The following LPIN1 variants were observed in gnomAD, a reference collection of about 807,000 sequenced individuals.
The protein encoded by LPIN1 is phosphatidate phosphatase LPIN1.
Under a neutral mutation model 107.5 loss-of-function variants are expected in LPIN1, and 71 were observed. That is an observed-to-expected ratio of 0.66 (90% CI 0.55 to 0.80). The LOEUF (loss-of-function observed/expected upper bound fraction) is 0.80, where lower values mean the gene tolerates loss of function less well. Among genes scored for constraint, LPIN1 ranks in the 30% least tolerant of loss-of-function variants. The pLI is 0.00. For synonymous variants in LPIN1, 445 were observed against 452.6 expected, an observed-to-expected ratio of 0.98 and a Z score of 0.21; for missense variants, 1,043 against 1,160.6, an observed-to-expected ratio of 0.90 and a Z score of 1.47.
chr2:11,693,805 TATATATATATATATATA>T (rs1172452325), intron 1 of LPIN1, among the ~76,000 whole-genome samples: 20 of 22,902 alleles, frequency 8.7e-4, no homozygotes, highest in South Asian at 4.5e-3. Context: ...TATATATATA[TATATATATATATATATA>T]TTTTTTTTTT....
At position 11,707,484 on chromosome 2, in the gene LPIN1, G is replaced by A. The variant is rs533644261; in HGVS notation, c.82-6272G>A. ...ATTTACTGAGCAGACCGGGGAGCAC[G>A]GGAAGTTTTGAGCTGAGGAGTGGTG... On this transcript the variant is annotated intron_variant, in intron 1 of 21. Transcript: ENST00000449576. This position sits in a 1 kb window ranked among gnomAD's most constrained non-coding sequence, Gnocchi z 4.2. Among the ~76,000 whole-genome samples the A allele has an allele frequency of 8.5e-5, 13 of 152,326 alleles. No individual in the cohort carries two copies. Among genetic ancestry groups the A allele is most frequent in the African/African-American group, 2.6e-4 (11 of 41,574 alleles).
chr2:11,759,934 C>T (rs1669449096), intron 1 of LPIN1, among the ~76,000 whole-genome samples: 1 of 151,012 alleles, frequency 6.6e-6, no homozygotes, highest in East Asian at 2.0e-4. Context: ...GGGGCGGCTG[C>T]CGGGCGGAGG....
At chr2:11,734,731 G>A (rs541363254) in intron 1 of LPIN1, among the ~76,000 whole-genome samples, 2 of 152,278 alleles carry the variant, frequency 1.3e-5, no homozygotes, top group Non-Finnish European at 2.9e-5. Flanking sequence ...TTTTACAGGT[G>A]GCCACAGGCT....
At chr2:11,689,401 T>A (rs59836200) in intron 1 of LPIN1, among the ~76,000 whole-genome samples, 7,437 of 152,328 alleles carry the variant, frequency 0.049, 629 homozygotes, top group African/African-American at 0.17. Context: ...GTTTTAGACC[T>A]GACGAGGTCC....
chr2:11,751,224 T>C (rs1667739947), intron 1 of LPIN1, among the ~76,000 whole-genome samples: 3 of 152,214 alleles, frequency 2.0e-5, no homozygotes, highest in African/African-American at 7.2e-5. Flanking sequence ...ATCACTCATC[T>C]GACCTTCCCT....
chr2:11,819,489 T>C lies in LPIN1; in HGVS notation c.2408T>C (p.Val803Ala), dbSNP rs1184377252. The C allele has an allele frequency of 6.3e-7, 1 of 1,594,616 alleles. No individual in the cohort carries two copies. Among genetic ancestry groups the C allele is most frequent in the African/African-American group, 1.3e-5 (1 of 74,524 alleles). Residue 803 changes from valine (V) to alanine (A), a missense_variant, in exon 19 of 21, where the codon GTG becomes GCG. Val to Ala is a moderately conservative substitution (Grantham distance 64, BLOSUM62 0). Transcript: ENST00000674199. ...GTTATTTATTTGTTTAACAGAGAAG[T>C]GATTGAAAAGAAGCCAGAAAAGTTT... The part of the protein sequence containing the change: ...SSLFSALHRE[V>A]IEKKPEKFKV...
rs1438125851 is a variant in LPIN1, at chr2:11,825,854, G to A, written c.*1063G>A. Reference sequence around the variant, plus strand: ...TTATTCATATTCTTTCTATACCACTGTCATTAATATATTAAAAAGATGTAT... The same window carrying A: ...TTATTCATATTCTTTCTATACCACTATCATTAATATATTAAAAAGATGTAT... On this transcript the variant is annotated 3_prime_UTR_variant, in exon 21 of 21. Coordinates refer to ENST00000674199, the MANE Select transcript of LPIN1 (RefSeq NM_001349206.2). This position sits in a 1 kb window ranked among gnomAD's most constrained non-coding sequence, Gnocchi z 4.1. The A allele has an allele frequency of 6.6e-6, 1 of 152,004 alleles. No homozygotes were observed. The highest frequency in any genetic ancestry group is 2.4e-5 in the African/African-American group (1 of 41,274). 9.4% of individuals were successfully genotyped at this position (152,004 alleles called of 1,614,324 possible).
chr2:11,698,944 G>T (rs957319707), intron 1 of LPIN1, among the ~76,000 whole-genome samples: 3 of 152,232 alleles, frequency 2.0e-5, no homozygotes, highest in African/African-American at 7.2e-5. Context: ...TGGAGGCCAT[G>T]AATCAAGCTT....
rs374837418 is a variant in LPIN1, at chr2:11,786,214, C to A, written c.1550-860C>A. Among the ~76,000 whole-genome samples, 1 of 152,134 alleles carries A rather than the reference C, an allele frequency of 6.6e-6. No homozygotes were observed. The highest frequency in any genetic ancestry group is 2.4e-5 in the African/African-American group (1 of 41,426). ...GAGTCCCCGGAGGTCCTGATTAGGG[C>A]TCTGAGGGTGCATGTTGAAGCCAGT... On this transcript the variant is annotated intron_variant, in intron 10 of 20. Coordinates refer to ENST00000674199, the MANE Select transcript of LPIN1 (RefSeq NM_001349206.2). This position sits in a 1 kb window ranked among gnomAD's most constrained non-coding sequence, Gnocchi z 4.1.
At chr2:11,783,331 T>C (rs1281360598) in intron 8 of LPIN1, among the ~76,000 whole-genome samples, 1 of 152,188 alleles carries the variant, frequency 6.6e-6, no homozygotes, top group Non-Finnish European at 1.5e-5. Flanking sequence ...ATAGCCTCAA[T>C]GCGTTTAGTG....
At chr2:11,822,487 A>G (rs73191082) in intron 20 of LPIN1, among the ~76,000 whole-genome samples, 32,065 of 151,560 alleles carry the variant, frequency 0.21, 5,309 homozygotes, top group African/African-American at 0.45. Flanking sequence ...GAGACCTCAC[A>G]ATCATGGTCA....
upstream of LPIN1, chr2:11,746,606 T>A: frequency 5.1e-6 from 5 of 984,962 alleles, no homozygotes; most frequent in Non-Finnish European, 6.0e-6. Context: ...GAAGGCGAGC[T>A]GCGCTGACAG....
At chr2:11,788,352 G>T in intron 11 of LPIN1, 35 bp from the exon 12 acceptor site, 1 of 1,535,286 alleles carries the variant, frequency 6.5e-7, no homozygotes, top group Non-Finnish European at 9.0e-7. Context: ...TCTGAGCCTC[G>T]GTTTTTTGAC....
chr2:11,787,162 GAGTA>G lies in LPIN1; in HGVS notation c.1643+4_1643+7del. The G allele has an allele frequency of 1.2e-6, 2 of 1,611,358 alleles. No individual in the cohort carries two copies. Among genetic ancestry groups the G allele is most frequent in the Non-Finnish European group, 1.7e-6 (2 of 1,177,420 alleles). On this transcript the variant is annotated frameshift_variant and splice_region_variant, in exon 11 of 21. Transcript: ENST00000674199. LOFTEE classifies it high-confidence loss of function. ...ACCCCAATCTCGTGGTAAAGATTGG[GAGTA>G]AGTAAGTACCTCTTGAAAGTCACTT...
intron 1 of LPIN1, among the ~76,000 whole-genome samples, chr2:11,740,806 C>T (rs1432617092): frequency 6.6e-6 from 1 of 151,768 alleles, no homozygotes; most frequent in Non-Finnish European, 1.5e-5. Context: ...AAATTTGAAG[C>T]CATCTTCCCA....
chr2:11,700,495 T>TTC (rs1318249122), intron 1 of LPIN1, among the ~76,000 whole-genome samples: 2 of 151,028 alleles, frequency 1.3e-5, no homozygotes, highest in African/African-American at 2.4e-5. Context: ...CTCGCTCTCA[T>TTC]TCTCTCTCTC....
chr2:11,792,171 G>A (rs1034972594), intron 13 of LPIN1, 165 bp downstream of exon 13: 12 of 641,916 alleles, frequency 1.9e-5, no homozygotes, highest in Non-Finnish European at 2.8e-5. Flanking sequence ...TGGAACGTGG[G>A]GAAGGTGGGG....
At chr2:11,782,539 C>G in intron 8 of LPIN1, 32 bp downstream of exon 8, 2 of 1,612,458 alleles carry the variant, frequency 1.2e-6, no homozygotes, top group Non-Finnish European at 1.7e-6. Flanking sequence ...GGCTCTTTTT[C>G]TGTTCATAGT....
chr2:11,796,520 AC>A (rs1037893982), intron 14 of LPIN1, among the ~76,000 whole-genome samples: 3 of 152,012 alleles, frequency 2.0e-5, no homozygotes, highest in Non-Finnish European at 4.4e-5. Context: ...AGTGTGCGGG[AC>A]CTGGTAGGGG....
Sources: allele counts gnomAD v4.1 joint callset (sites outside exome capture counted in the v4.1 genomes callset), GRCh38; gene constraint gnomAD v4.1.1; non-coding constraint Gnocchi (gnomAD v3.1); transcripts MANE v1.5; gene names NCBI Gene and HGNC (gene_info 2026-07-23, HGNC 2026-07-21).